The following PDE4D variants were observed in gnomAD, a reference collection of about 807,000 sequenced individuals.
PDE4D encodes the protein 3',5'-cyclic-AMP phosphodiesterase 4D.
PDE4D carries 24 observed loss-of-function variants against 87.4 expected under a neutral mutation model. That is an observed-to-expected ratio of 0.27 (90% CI 0.20 to 0.39). The LOEUF (loss-of-function observed/expected upper bound fraction) is 0.39, where lower values mean the gene tolerates loss of function less well. Ranked by LOEUF, PDE4D falls within the 10% of genes least tolerant of loss-of-function variation. PDE4D has a pLI of 1.00. For synonymous variants in PDE4D, 384 were observed against 383.2 expected (o/e 1.00, Z -0.02); for missense variants, 714 against 1,041.0 (o/e 0.69, Z 4.32).
At chr5:59,964,861 T>C (rs1177987255) in intron 3 of PDE4D, among the ~76,000 whole-genome samples, 1 of 152,172 alleles carries the variant, frequency 6.6e-6, no homozygotes, top group African/African-American at 2.4e-5. Context: ...CTGTATCCTG[T>C]GTACCTCGTC....
intron 1 of PDE4D, among the ~76,000 whole-genome samples, chr5:59,639,812 AGTGTGTGTGT>A (rs70975323): frequency 0.12 from 16,571 of 143,544 alleles, 1,021 homozygotes; most frequent in Admixed American, 0.17. Context: ...TAGTGTCTAT[AGTGTGTGTGT>A]GTGTGTGTGT....
chr5:59,351,469 A>C (rs1780521838), intron 1 of PDE4D, among the ~76,000 whole-genome samples: 1 of 152,184 alleles, frequency 6.6e-6, no homozygotes, highest in Admixed American at 6.5e-5. Flanking sequence ...CAGTAGAATA[A>C]ATAGACATGA....
intron 6 of PDE4D, among the ~76,000 whole-genome samples, chr5:59,030,422 C>CA (rs373275661): frequency 0.42 from 24,552 of 58,534 alleles, 4,278 homozygotes; most frequent in East Asian, 0.6. Flanking sequence ...AACAGAGATA[C>CA]AAAAAAAAAA....
chr5:59,269,267 C>A (rs947453607), intron 1 of PDE4D, among the ~76,000 whole-genome samples: 1 of 152,136 alleles, frequency 6.6e-6, no homozygotes, highest in African/African-American at 2.4e-5. Context: ...TACCAACAAC[C>A]ATACTCACTT....
chr5:59,191,962 T>C (rs779858652), intron 3 of PDE4D, among the ~76,000 whole-genome samples: 3 of 152,170 alleles, frequency 2.0e-5, no homozygotes, highest in Non-Finnish European at 4.4e-5. Flanking sequence ...TGTAAATTTT[T>C]TGGACACAGA....
intron 1 of PDE4D, among the ~76,000 whole-genome samples, chr5:59,294,234 T>C (rs978715942): frequency 6.6e-6 from 1 of 152,044 alleles, no homozygotes; most frequent in African/African-American, 2.4e-5. Context: ...GAATGAAGAG[T>C]AAAACTCTTT....
intron 1 of PDE4D, among the ~76,000 whole-genome samples, chr5:59,702,712 T>C (rs1035868657): frequency 6.6e-6 from 1 of 150,730 alleles, no homozygotes; most frequent in Non-Finnish European, 1.5e-5. Flanking sequence ...CTACAAAAAA[T>C]ACAAAAATTA....
intron 2 of PDE4D, among the ~76,000 whole-genome samples, chr5:60,158,870 A>G (rs1782230293): frequency 6.6e-6 from 1 of 152,216 alleles, no homozygotes; most frequent in South Asian, 2.1e-4. Flanking sequence ...CGCCAGGCCA[A>G]GCTGTGCTAA....
intron 4 of PDE4D, among the ~76,000 whole-genome samples, chr5:59,183,665 C>T (rs143947278): frequency 6.6e-6 from 1 of 152,266 alleles, no homozygotes; most frequent in East Asian, 1.9e-4. Context: ...ACCTTACAAG[C>T]TACCAAATCC....
At chr5:59,651,033 A>C (rs941367777) in intron 1 of PDE4D, among the ~76,000 whole-genome samples, 2 of 152,008 alleles carry the variant, frequency 1.3e-5, no homozygotes, top group African/African-American at 4.8e-5. Flanking sequence ...AGGTGGGCGG[A>C]TCACGAGGTC....
intron 2 of PDE4D, among the ~76,000 whole-genome samples, chr5:59,195,275 A>G (rs1581301167): frequency 6.6e-6 from 1 of 152,318 alleles, no homozygotes; most frequent in East Asian, 1.9e-4. Flanking sequence ...CTCTCAAAAA[A>G]AAAAGGTCTT....
At position 59,324,070 on chromosome 5, in the gene PDE4D, C is replaced by A. The variant is rs113861785; in HGVS notation, c.456-108102G>T. ...CCTGATACCCTCTCTCTCCTTCCAC[C>A]ACCCTTTCCTTGGCTATCTCCTCTT... On this transcript the variant is annotated intron_variant, in intron 1 of 14. Coordinates refer to ENST00000340635, the MANE Select transcript of PDE4D (RefSeq NM_001104631.2). 3.0e-3 allele frequency among the ~76,000 whole-genome samples: 450 copies of A among 152,168 alleles called. 3 individuals are homozygous for A. The highest frequency in any genetic ancestry group is 0.01 in the African/African-American group (417 of 41,548).
intron 1 of PDE4D, among the ~76,000 whole-genome samples, chr5:60,375,638 G>C (rs951807852): frequency 1.3e-5 from 2 of 152,158 alleles, no homozygotes; most frequent in Admixed American, 6.5e-5. Flanking sequence ...CCTAGGCACA[G>C]GGCTTATCAG....
In PDE4D at chr5:60,291,955, T is replaced by C. The variant is rs112582001; in HGVS notation, c.-89-106268A>G. Among the ~76,000 whole-genome samples, 6 of 152,244 alleles carry C rather than the reference T, an allele frequency of 3.9e-5. 1 individual carries two copies. Among genetic ancestry groups the C allele is most frequent in the African/African-American group, 1.4e-4 (6 of 41,572 alleles). Reference sequence around the variant, plus strand: ...TAAGTAAATTAGGATATATAATTCATATAATACACATAATAGAGACACATT... The same window carrying C: ...TAAGTAAATTAGGATATATAATTCACATAATACACATAATAGAGACACATT... On this transcript the variant is annotated intron_variant, in intron 1 of 16. Coordinates refer to the PDE4D transcript ENST00000502484.
intron 1 of PDE4D, among the ~76,000 whole-genome samples, chr5:59,683,516 C>G (rs905786028): frequency 6.6e-6 from 1 of 152,116 alleles, no homozygotes; most frequent in Admixed American, 6.5e-5. Context: ...GCACACTCAG[C>G]ATAAAATCCT....
chr5:60,268,789 T>C (rs1027494133), intron 1 of PDE4D, among the ~76,000 whole-genome samples: 1 of 152,180 alleles, frequency 6.6e-6, no homozygotes, highest in African/African-American at 2.4e-5. Flanking sequence ...TCCATGTCAT[T>C]TGTCAGATCC....
chr5:60,481,361 GT>G (rs926776127), intron 1 of PDE4D, among the ~76,000 whole-genome samples: 36 of 151,122 alleles, frequency 2.4e-4, no homozygotes, highest in South Asian at 2.1e-4. Flanking sequence ...AGGTAACTGT[GT>G]TTTTTTTTAT....
At chr5:59,763,292 T>C (rs1427333770) in intron 1 of PDE4D, among the ~76,000 whole-genome samples, 1 of 151,716 alleles carries the variant, frequency 6.6e-6, no homozygotes, top group Non-Finnish European at 1.5e-5. Context: ...ACCTGCACAT[T>C]GTGCACATGT....
At chr5:59,846,195 G>A (rs947022021) in intron 1 of PDE4D, among the ~76,000 whole-genome samples, 8 of 151,982 alleles carry the variant, frequency 5.3e-5, no homozygotes, top group African/African-American at 9.7e-5. Flanking sequence ...TTACCTTACC[G>A]ATGGTGGTAC....
Sources: allele counts gnomAD v4.1 joint callset (sites outside exome capture counted in the v4.1 genomes callset), GRCh38; gene constraint gnomAD v4.1.1; transcripts MANE v1.5; gene names NCBI Gene and HGNC (gene_info 2026-07-23, HGNC 2026-07-21).